The following LRCH1 variants were observed in gnomAD, a reference collection of about 807,000 sequenced individuals.
LRCH1 encodes leucine rich repeats and calponin homology domain containing 1.
Under a neutral mutation model 94.9 loss-of-function variants are expected in LRCH1, and 23 were observed. The ratio of observed to expected loss-of-function variants is 0.24; its 90% confidence interval spans 0.17 to 0.34. The LOEUF (loss-of-function observed/expected upper bound fraction) is 0.34. LRCH1 is among the 10% of genes least tolerant of loss of function. LRCH1 has a pLI of 1.00. For synonymous variants in LRCH1, 364 were observed against 354.9 expected (o/e 1.03, Z -0.29); for missense variants, 790 against 945.9 (o/e 0.84, Z 2.16).
At chr13:46,626,256 A>G (rs2050948071) in intron 1 of LRCH1, among the ~76,000 whole-genome samples, 1 of 152,162 alleles carries the variant, frequency 6.6e-6, no homozygotes, top group Non-Finnish European at 1.5e-5. Flanking sequence ...TGGTTGTATT[A>G]CACTATTAAT....
At chr13:46,686,308 A>G (rs1870612490) in intron 5 of LRCH1, among the ~76,000 whole-genome samples, 1 of 152,324 alleles carries the variant, frequency 6.6e-6, no homozygotes, top group South Asian at 2.1e-4. Context: ...CAAAAAGAGT[A>G]TGATCTCATG....
At chr13:46,749,370 T>TA (rs551675207), downstream of LRCH1, among the ~76,000 whole-genome samples, 86 of 152,272 alleles carry the variant, frequency 5.6e-4, no homozygotes, top group Middle Eastern at 0.01. Context: ...GAATGGTGGT[T>TA]ACCAGGGGCT....
intron 1 of LRCH1, among the ~76,000 whole-genome samples, chr13:46,562,417 C>G (rs996399094): frequency 6.6e-6 from 1 of 152,150 alleles, no homozygotes; most frequent in Admixed American, 6.5e-5. Context: ...GGTTGTCTTC[C>G]TGGGTCTTCA....
intron 18 of LRCH1, among the ~76,000 whole-genome samples, chr13:46,731,062 A>G (rs183190601): frequency 6.6e-6 from 1 of 150,390 alleles, no homozygotes; most frequent in Admixed American, 6.6e-5. Flanking sequence ...ATCATTCTTT[A>G]TTCTCCTCCT....
intron 1 of LRCH1, among the ~76,000 whole-genome samples, chr13:46,629,443 C>A (rs1364656279): frequency 6.6e-6 from 1 of 152,174 alleles, no homozygotes; most frequent in Non-Finnish European, 1.5e-5. Flanking sequence ...TTGCATAGTT[C>A]ATGAAAGGCT....
intron 2 of LRCH1, among the ~76,000 whole-genome samples, chr13:46,663,880 T>TTG (rs1299673325): frequency 6.6e-6 from 1 of 152,208 alleles, no homozygotes; most frequent in Non-Finnish European, 1.5e-5. Flanking sequence ...CTTAATAGTT[T>TTG]TGTGATGGTT....
intron 1 of LRCH1, among the ~76,000 whole-genome samples, chr13:46,626,611 C>G (rs1478328925): frequency 6.6e-6 from 1 of 152,238 alleles, no homozygotes; most frequent in Non-Finnish European, 1.5e-5. Context: ...TGCTGACTCT[C>G]TTTTCGGACT....
chr13:46,571,357 G>A (rs1475524006), intron 1 of LRCH1, among the ~76,000 whole-genome samples: 1 of 152,206 alleles, frequency 6.6e-6, no homozygotes, highest in Non-Finnish European at 1.5e-5. Flanking sequence ...GAGAACAGTT[G>A]TCAGTGGTAT....
At chr13:46,674,318 C>G (rs2051642572) in intron 3 of LRCH1, among the ~76,000 whole-genome samples, 1 of 152,100 alleles carries the variant, frequency 6.6e-6, no homozygotes, top group Admixed American at 6.6e-5. Context: ...CTTGTCCTGC[C>G]ATTTGAGACT....
chr13:46,669,278 G>T (rs2138117787), intron 3 of LRCH1, 122 bp downstream of exon 3: 1 of 1,139,398 alleles, frequency 8.8e-7, no homozygotes, highest in Non-Finnish European at 1.2e-6. Flanking sequence ...TTGAGGGCAG[G>T]TATATGATAA....
chr13:46,686,504 C>T (rs766178436), intron 5 of LRCH1, among the ~76,000 whole-genome samples: 1 of 151,956 alleles, frequency 6.6e-6, no homozygotes, highest in Non-Finnish European at 1.5e-5. Context: ...ACAGAAAGGC[C>T]GAGGGAAAGT....
At chr13:46,571,783 C>A (rs1443350714) in intron 1 of LRCH1, among the ~76,000 whole-genome samples, 3 of 152,136 alleles carry the variant, frequency 2.0e-5, no homozygotes, top group Non-Finnish European at 4.4e-5. Context: ...CTTCTCATTT[C>A]TCATCTGTAA....
chr13:46,731,124 CTTTT>C (rs34512042), intron 18 of LRCH1, among the ~76,000 whole-genome samples: 1 of 127,846 alleles, frequency 7.8e-6, no homozygotes, highest in Non-Finnish European at 1.7e-5. Context: ...TTACTATAAG[CTTTT>C]TTTTTTTTTT....
At chr13:46,569,177 CTG>C (rs1274628007) in intron 1 of LRCH1, among the ~76,000 whole-genome samples, 14 of 146,564 alleles carry the variant, frequency 9.6e-5, no homozygotes, top group East Asian at 2.1e-4. Flanking sequence ...ATAGAAAAAA[CTG>C]TGGCTGAACC....
At chr13:46,667,069 G>A (rs1197744938) in intron 2 of LRCH1, among the ~76,000 whole-genome samples, 1 of 152,118 alleles carries the variant, frequency 6.6e-6, no homozygotes, top group Admixed American at 6.5e-5. Context: ...CTACCAGGAG[G>A]GCACTCAATC....
intron 1 of LRCH1, among the ~76,000 whole-genome samples, chr13:46,644,411 G>A (rs1471637379): frequency 2.0e-5 from 3 of 152,218 alleles, no homozygotes; most frequent in African/African-American, 7.2e-5. Flanking sequence ...AAGTAGGCCT[G>A]AAGTAGTTTT....
intron 1 of LRCH1, among the ~76,000 whole-genome samples, chr13:46,580,529 T>C (rs2050353434): frequency 6.6e-6 from 1 of 152,246 alleles, no homozygotes; most frequent in Non-Finnish European, 1.5e-5. Flanking sequence ...AGTCTTAACG[T>C]GGGAATTGGG....
intron 11 of LRCH1, among the ~76,000 whole-genome samples, chr13:46,704,489 A>C (rs1259488472): frequency 6.6e-6 from 1 of 152,094 alleles, no homozygotes; most frequent in African/African-American, 2.4e-5. Context: ...ATATAAATGC[A>C]TCCCTGTTTA....
In LRCH1 at chr13:46,669,044, C is replaced by T; in HGVS notation, c.467C>T (p.Ser156Phe). Residue 156 changes from serine to phenylalanine, a missense_variant, in exon 3 of 20, where the codon TCC becomes TTC. This residue lies in a region of LRCH1 where 194 missense variants were observed against 293.5 expected (regional missense o/e 0.66). Coordinates refer to ENST00000389797, the MANE Select transcript of LRCH1 (RefSeq NM_001164211.2). ...TYLNLSRNQL[S>F]ALPACLCGLP... ...TGTCTTTGCAGTCGAAATCAGCTGTCCGCCCTGCCTGCCTGCCTGTGTGGT... is the reference window on the plus strand; with the variant it reads ...TGTCTTTGCAGTCGAAATCAGCTGTTCGCCCTGCCTGCCTGCCTGTGTGGT... The T allele has an allele frequency of 6.2e-7, 1 of 1,613,750 alleles. No homozygotes were observed. The highest frequency in any genetic ancestry group is 8.5e-7 in the Non-Finnish European group (1 of 1,179,856).
Sources: gnomAD v4.1 joint callset for allele counts (sites outside exome capture counted in the v4.1 genomes callset) on GRCh38, gnomAD v4.1.1 for gene constraint, gnomAD v4.1.1 regional missense constraint, MANE v1.5 for transcripts, NCBI Gene and HGNC (gene_info 2026-07-23, HGNC 2026-07-21) for gene names.